The following AKR1B1 variants were observed in gnomAD, a reference collection of about 807,000 sequenced individuals.
AKR1B1 encodes the protein aldo-keto reductase family 1 member B1.
AKR1B1 carries 22 observed loss-of-function variants against 40.4 expected under a neutral mutation model. That is an observed-to-expected ratio of 0.54 (90% confidence interval 0.39 to 0.78). The LOEUF (loss-of-function observed/expected upper bound fraction) is 0.78. Ranked by LOEUF, AKR1B1 falls within the 30% of genes least tolerant of loss-of-function variation. The pLI is 0.00. For synonymous variants in AKR1B1, 157 were observed against 149.9 expected, an observed-to-expected ratio of 1.05 and a Z score of -0.35; for missense variants, 357 against 396.7, an observed-to-expected ratio of 0.90 and a Z score of 0.85.
At chr7:134,459,228 C>G (rs1806599139), upstream of AKR1B1, 2 of 804,232 alleles carry the variant, frequency 2.5e-6, no homozygotes, top group African/African-American at 1.7e-5. Context: ...GCGGCCTTCC[C>G]CAAGGGTCGG....
Position 134,445,240 on chromosome 7 carries a change from C to T in AKR1B1, c.906G>A (p.Leu302=), listed in dbSNP as rs1014943978. Residue 302 remains leucine (L), a splice_region_variant and synonymous_variant, in exon 9 of 10, where the codon TTG becomes TTA. Coordinates refer to ENST00000285930, the MANE Select transcript of AKR1B1 (RefSeq NM_001628.4). ...TCCTCACACTGGGGCTCACTCACCT[C>T]AACAAGGCACAGACCCTCCAGTTCC... ...YNRNWRVCAL[L]SCTSHKDYPF... 14 of 1,610,814 alleles carry T rather than the reference C, an allele frequency of 8.7e-6. No individual in the cohort carries two copies. In the East Asian group the frequency reaches 3.1e-4, roughly 36 times the overall value.
chr7:134,447,676 A>G, intron 7 of AKR1B1: 2 of 611,196 alleles, frequency 3.3e-6, no homozygotes, highest in Non-Finnish European at 5.8e-6. Context: ...CTCAGGAGAA[A>G]GAACATTCCC....
intron 8 of AKR1B1, among the ~76,000 whole-genome samples, 172 bp from the exon 9 acceptor site, chr7:134,445,492 AT>A (rs1181113395): frequency 6.6e-6 from 1 of 152,244 alleles, no homozygotes; most frequent in African/African-American, 2.4e-5. Context: ...GTTGGGCTAG[AT>A]AATATATGGA....
intron 8 of AKR1B1, among the ~76,000 whole-genome samples, chr7:134,446,247 T>G (rs1210849457): frequency 6.6e-6 from 1 of 152,242 alleles, no homozygotes; most frequent in Non-Finnish European, 1.5e-5. Context: ...CCATTTTATC[T>G]TGTGTACTTA....
intron 7 of AKR1B1, 72 bp downstream of exon 7, chr7:134,447,908 T>A (rs1806152469): frequency 7.5e-7 from 1 of 1,336,326 alleles, no homozygotes; most frequent in South Asian, 1.2e-5. Context: ...AGTCACTTCC[T>A]CCTCTTGGCT....
Position 134,451,599 on chromosome 7 carries a change from A to G in AKR1B1, c.221T>C (p.Phe74Ser). The change falls in exon 2 of 10, where the codon TTC (phenylalanine) becomes TCC (serine). Residue 74 changes from phenylalanine to serine, a missense_variant. By Grantham distance (155) the Phe-to-Ser change is radical (BLOSUM62 -2). Transcript: ENST00000285930. ...GCGGAACGATACCTTGCTGACGATG[A>G]AGAGCTCCTCACGCTTCACCACCTG... is the stretch of plus-strand genomic sequence containing the variant. The part of the protein sequence containing the change: ...REQVVKREEL[F>S]IVSKLWCTYH... The G allele has an allele frequency of 6.2e-7, 1 of 1,613,998 alleles. No individual in the cohort carries two copies. Among genetic ancestry groups the G allele is most frequent in the Non-Finnish European group, 8.5e-7 (1 of 1,180,012 alleles).
intron 1 of AKR1B1, among the ~76,000 whole-genome samples, chr7:134,453,103 T>C (rs935145920): frequency 2.0e-5 from 3 of 152,160 alleles, no homozygotes; most frequent in African/African-American, 4.8e-5. Context: ...CCACCACTGA[T>C]GACAGCAGGG....
At chr7:134,447,273 C>T (rs1186188568) in intron 8 of AKR1B1, 25 bp downstream of exon 8, 3 of 1,604,428 alleles carry the variant, frequency 1.9e-6, no homozygotes, top group South Asian at 2.2e-5. Context: ...GGAGGAGGGC[C>T]AGGCCTGACC....
chr7:134,451,294 A>G (rs967043044), intron 2 of AKR1B1: 17 of 543,680 alleles, frequency 3.1e-5, no homozygotes, highest in Non-Finnish European at 5.3e-5. Flanking sequence ...TGCAGATGGG[A>G]ACCAAGTTCC....
chr7:134,458,891 G>A (rs1585721836), intron 1 of AKR1B1, 106 bp downstream of exon 1: 1 of 1,326,226 alleles, frequency 7.5e-7, no homozygotes, highest in South Asian at 1.3e-5. Flanking sequence ...AGCACGCCGG[G>A]CGTCCGCGGG....
In AKR1B1 at chr7:134,444,254, T is replaced by G. The variant is rs116180688; in HGVS notation, c.908+984A>C. On this transcript the variant is annotated intron_variant, in intron 9 of 9. Transcript: ENST00000285930. ...CACTGGCCTGGGGCTGCCTGTGACATGCTCTGTTTGCGGCCTATTTTGAGT... is the reference window on the plus strand; with the variant it reads ...CACTGGCCTGGGGCTGCCTGTGACAGGCTCTGTTTGCGGCCTATTTTGAGT... 3.1e-3 allele frequency among the ~76,000 whole-genome samples: 473 copies of G among 152,374 alleles called. 1 individual carries two copies. The highest frequency in any genetic ancestry group is 0.011 in the African/African-American group (461 of 41,592).
chr7:134,453,035 A>T (rs1159422460), intron 1 of AKR1B1, among the ~76,000 whole-genome samples: 1 of 152,190 alleles, frequency 6.6e-6, no homozygotes, highest in South Asian at 2.1e-4. Context: ...AGGAACAGAG[A>T]ATCTCAATTT....
intron 9 of AKR1B1, chr7:134,444,885 A>C (rs1806049816): frequency 5.0e-6 from 2 of 400,086 alleles, no homozygotes; most frequent in Admixed American, 3.6e-5. Context: ...TTAAGACAAA[A>C]AGTCACAGGC....
chr7:134,451,874 A>C (rs763544533), intron 1 of AKR1B1, 121 bp from the exon 2 acceptor site: 17 of 1,070,978 alleles, frequency 1.6e-5, no homozygotes, highest in Middle Eastern at 2.1e-4. Flanking sequence ...AAGACAGACC[A>C]CGTGCACTTC....
Position 134,449,598 on chromosome 7 carries a change from A to G in AKR1B1, c.429+122T>C, listed in dbSNP as rs185154146. 2.5e-4 allele frequency: 212 copies of G among 859,278 alleles called. No individual in the cohort carries two copies. In the African/African-American group the frequency reaches 2.8e-3, roughly 11 times the overall value. The allele number at this position is 859,278 out of a possible 1,614,324, so 53.2% of individuals were successfully genotyped here. A position where few individuals can be genotyped will look rare whatever the true frequency, so the allele number is the denominator to read the frequency against. ...GGAGACCCCAACTCAAAAAAAAAAA[A>G]AGAGAGAGCAAACAACAGGGACAGA... On this transcript the variant is annotated intron_variant, in intron 4 of 9. Coordinates refer to ENST00000285930, the MANE Select transcript of AKR1B1 (RefSeq NM_001628.4).
chr7:134,448,157 C>G, intron 6 of AKR1B1, 96 bp from the exon 7 acceptor site: 1 of 1,075,790 alleles, frequency 9.3e-7, no homozygotes, highest in South Asian at 1.3e-5. Flanking sequence ...CCTCAGAGGG[C>G]AGCCACCAGT....
At chr7:134,449,277 G>A in intron 4 of AKR1B1, 158 bp from the exon 5 acceptor site, 3 of 1,088,572 alleles carry the variant, frequency 2.8e-6, no homozygotes, top group Non-Finnish European at 4.2e-6. Context: ...AAGCCAGGCT[G>A]GCTTTAATGA....
chr7:134,458,767 C>T (rs1006639332), intron 1 of AKR1B1, among the ~76,000 whole-genome samples: 1 of 152,156 alleles, frequency 6.6e-6, no homozygotes, highest in Non-Finnish European at 1.5e-5. Flanking sequence ...TCCCAAACCC[C>T]ACTCGCAGGA....
At position 134,450,651 on chromosome 7, in the gene AKR1B1, C is replaced by T. The variant is rs1806254777; in HGVS notation, c.351+135G>A. On this transcript the variant is annotated intron_variant, in intron 3 of 9. Transcript: ENST00000285930. ...AAGACGCTCCCAGGTGATGCCAGTG[C>T]TGATGGTCCACTGGCTATACCTTGA... 7.8e-6 allele frequency: 6 copies of T among 772,294 alleles called. No individual in the cohort carries two copies. In the Admixed American group the frequency reaches 8.8e-5, roughly 11 times the overall value. 47.8% of individuals were successfully genotyped at this position (772,294 alleles called of 1,614,324 possible).
Sources: allele counts gnomAD v4.1 joint callset (sites outside exome capture counted in the v4.1 genomes callset), GRCh38; gene constraint gnomAD v4.1.1; transcripts MANE v1.5; gene names NCBI Gene and HGNC (gene_info 2026-07-23, HGNC 2026-07-21).